The following ALMS1 variants were observed in gnomAD, a reference collection of about 807,000 sequenced individuals.
The protein encoded by ALMS1 is ALMS1 centrosome and basal body associated protein.
ALMS1 carries 271 observed loss-of-function variants against 352.2 expected under a neutral mutation model. That is an observed-to-expected ratio of 0.77 (90% confidence interval 0.70 to 0.85). ALMS1 has a LOEUF of 0.85. Ranked by LOEUF, ALMS1 falls within the 40% of genes least tolerant of loss-of-function variation. ALMS1 has a pLI of 0.00. For missense variants in ALMS1, 5,445 were observed against 4,870.7 expected (o/e 1.12, Z -3.51); for synonymous variants, 1,865 against 1,761.2 (o/e 1.06, Z -1.48).
chr2:73,518,901 T>G (rs1200936709), intron 10 of ALMS1, among the ~76,000 whole-genome samples: 2 of 152,234 alleles, frequency 1.3e-5, no homozygotes, highest in East Asian at 3.8e-4. Context: ...AATTTTTCTT[T>G]TGCTGTGCAG....
At chr2:73,465,410 G>A (rs1672312670) in intron 9 of ALMS1, among the ~76,000 whole-genome samples, 1 of 152,090 alleles carries the variant, frequency 6.6e-6, no homozygotes, top group Admixed American at 6.5e-5. Context: ...TTTAATAAAT[G>A]GTGCTGGGAA....
At position 73,452,354 on chromosome 2, in the gene ALMS1, C is replaced by T. The variant is rs370398704; in HGVS notation, c.5827C>T (p.Arg1943Cys). The T allele has an allele frequency of 7.0e-5, 113 of 1,614,004 alleles. No homozygotes were observed. Among genetic ancestry groups the T allele is most frequent in the Admixed American group, 4.8e-4 (29 of 60,002 alleles). ...IPTVPLSYYS[R>C]REKPSVISQQ... ...AACAGTACCTTTAAGTTACTACTCA[C>T]GTAGAGAGAAGCCCAGTGTTATCTC... Residue 1943 changes from arginine (R) to cysteine (C), a missense_variant, in exon 8 of 23, where the codon CGT becomes TGT. By Grantham distance (180) the Arg-to-Cys change is radical. Coordinates refer to ENST00000613296, the MANE Select transcript of ALMS1 (RefSeq NM_001378454.1).
chr2:73,420,895 G>T (rs1182118411), intron 3 of ALMS1, among the ~76,000 whole-genome samples: 1 of 152,150 alleles, frequency 6.6e-6, no homozygotes. Context: ...ATGATGGCTG[G>T]TGCCAGAATG....
chr2:73,528,043 A>G (rs1041610537), intron 11 of ALMS1, among the ~76,000 whole-genome samples: 28 of 152,070 alleles, frequency 1.8e-4, no homozygotes, highest in African/African-American at 6.3e-4. Flanking sequence ...ATTTCCATGC[A>G]TTTGTATAGT....
intron 7 of ALMS1, among the ~76,000 whole-genome samples, chr2:73,440,538 C>G (rs1671698276): frequency 6.6e-6 from 1 of 152,078 alleles, no homozygotes; most frequent in Admixed American, 6.6e-5. Context: ...ATTCTCGTGT[C>G]TCAGCCTCCT....
intron 11 of ALMS1, among the ~76,000 whole-genome samples, chr2:73,532,515 C>G (rs2103987600): frequency 6.6e-6 from 1 of 152,304 alleles, no homozygotes. Flanking sequence ...ACCACTGCCC[C>G]AGGCTTGTGG....
Position 73,424,787 on chromosome 2 carries a change from C to T in ALMS1, c.1122C>T (p.Asp374=). Residue 374 remains aspartate (D), a synonymous_variant, in exon 5 of 23, where the codon GAC becomes GAT. Coordinates refer to ENST00000613296, the MANE Select transcript of ALMS1 (RefSeq NM_001378454.1). ...KDQVSVATSF[D]ITDENIATKR... Reference sequence around the variant, plus strand: ...AAGTTTCAGTTGCAACTTCATTTGACATAACTGATGAAAACATAGCTACTA... The same window carrying T: ...AAGTTTCAGTTGCAACTTCATTTGATATAACTGATGAAAACATAGCTACTA... 1.9e-6 allele frequency: 3 copies of T among 1,613,302 alleles called. No individual in the cohort carries two copies. The highest frequency in any genetic ancestry group is 2.5e-6 in the Non-Finnish European group (3 of 1,179,454).
Position 73,467,950 on chromosome 2 carries a change from G to A in ALMS1, c.7674+12655G>A, listed in dbSNP as rs181388725. ...TCAGGTGTGTGGTATTGACTGGGAA[G>A]ACGCACAAGAGGTCTTCTCAGGTAT... On this transcript the variant is annotated intron_variant, in intron 9 of 22. Coordinates refer to ENST00000613296, the MANE Select transcript of ALMS1 (RefSeq NM_001378454.1). Among the ~76,000 whole-genome samples the A allele has an allele frequency of 3.9e-5, 6 of 152,168 alleles. No individual in the cohort carries two copies. In the East Asian group the frequency reaches 1.2e-3, roughly 29 times the overall value.
intron 10 of ALMS1, among the ~76,000 whole-genome samples, chr2:73,517,689 C>CTCTG (rs1673589286): frequency 6.6e-6 from 1 of 151,164 alleles, no homozygotes; most frequent in African/African-American, 2.4e-5. Context: ...CAGAGTTTTG[C>CTCTG]TCTTGTTGCC....
intron 7 of ALMS1, among the ~76,000 whole-genome samples, chr2:73,446,475 A>C (rs549196303): frequency 2.6e-5 from 4 of 152,206 alleles, no homozygotes; most frequent in Admixed American, 2.6e-4. Flanking sequence ...AAATTTTGTA[A>C]CTCATATTCC....
rs754374314 is a variant in ALMS1 at position 73,419,153 on chromosome 2, G to T, written c.481G>T (p.Glu161Ter). Residue 161 changes from glutamate to a stop codon, truncating the protein, a stop_gained, in exon 3 of 23, where the codon GAA becomes TAA. Transcript: ENST00000613296. LOFTEE classifies it high-confidence loss of function. Reference protein sequence around the residue: ...KTESWHCLPQEMDSSQTLDTS... With the variant: ...KTESWHCLPQ Reference sequence around the variant, plus strand: ...AGAATCTTGGCATTGTCTTCCTCAAGAAATGGACTCTTCCCAAACCTTGGA... The same window carrying T: ...AGAATCTTGGCATTGTCTTCCTCAATAAATGGACTCTTCCCAAACCTTGGA... The T allele has an allele frequency of 6.2e-7, 1 of 1,613,898 alleles. No individual in the cohort carries two copies. The highest frequency in any genetic ancestry group is 8.5e-7 in the Non-Finnish European group (1 of 1,179,946).
chr2:73,448,989 A>G lies in ALMS1; in HGVS notation c.2462A>G (p.Tyr821Cys). 1.2e-6 allele frequency: 2 copies of G among 1,613,444 alleles called. No individual in the cohort carries two copies. Among genetic ancestry groups the G allele is most frequent in the Non-Finnish European group, 1.7e-6 (2 of 1,179,792 alleles). ...YSHREKLLVF[Y>C]QQALLDSHLP... ...CACAGAGAGAAGCTCCTTGTTTTCTACCAACAGGCCTTGCTGGACAGCCAT... is the reference window on the plus strand; with the variant it reads ...CACAGAGAGAAGCTCCTTGTTTTCTGCCAACAGGCCTTGCTGGACAGCCAT... Residue 821 changes from tyrosine to cysteine, a missense_variant, in exon 8 of 23, where the codon TAC becomes TGC. Coordinates refer to ENST00000613296, the MANE Select transcript of ALMS1 (RefSeq NM_001378454.1).
rs1028288515 is a variant in ALMS1 at position 73,424,816 on chromosome 2, G to T, written c.1151G>T (p.Arg384Ile). Reference protein sequence around the residue: ...DITDENIATKRSDHFDAARSY... With the variant: ...DITDENIATKISDHFDAARSY... ...ACTGATGAAAACATAGCTACTAAAA[G>T]AAGTGACCATTTTGATGCTGCTCGT... is the stretch of plus-strand genomic sequence containing the variant. The change falls in exon 5 of 23, where the codon AGA becomes ATA. Residue 384 changes from arginine to isoleucine, a missense_variant. Arg to Ile is a moderately conservative substitution (Grantham distance 97). Transcript: ENST00000613296. 1.9e-6 allele frequency: 3 copies of T among 1,609,998 alleles called. No homozygotes were observed. The highest frequency in any genetic ancestry group is 2.2e-5 in the South Asian group (2 of 90,736).
At chr2:73,408,419 G>T (rs753733956) in intron 1 of ALMS1, among the ~76,000 whole-genome samples, 1 of 152,204 alleles carries the variant, frequency 6.6e-6, no homozygotes, top group Non-Finnish European at 1.5e-5. Context: ...TTAAGGAACT[G>T]CTGTGGTTTA....
At chr2:73,468,736 A>G (rs1385840469) in intron 9 of ALMS1, among the ~76,000 whole-genome samples, 1 of 152,034 alleles carries the variant, frequency 6.6e-6, no homozygotes, top group Non-Finnish European at 1.5e-5. Flanking sequence ...AGTCTGTTGT[A>G]GACAGTATAT....
intron 15 of ALMS1, among the ~76,000 whole-genome samples, chr2:73,570,848 C>T (rs771116906): frequency 2.0e-5 from 3 of 152,152 alleles, no homozygotes; most frequent in East Asian, 1.9e-4. Flanking sequence ...AAAGTGATCC[C>T]TCAGCCCAGA....
rs1672975235 is a variant in ALMS1 at position 73,491,096 on chromosome 2, G to A, written c.9137G>A (p.Cys3046Tyr). Residue 3046 changes from cysteine to tyrosine, a missense_variant, in exon 10 of 23, where the codon TGT becomes TAT. Cys to Tyr is a radical substitution (Grantham distance 194). Coordinates refer to ENST00000613296, the MANE Select transcript of ALMS1 (RefSeq NM_001378454.1). Reference protein sequence around the residue: ...TPPSNRKALSCVHITLCPKTS... With the variant: ...TPPSNRKALSYVHITLCPKTS... ...CCTTCAAATAGAAAAGCACTTTCTT[G>A]TGTTCATATAACTCTTTGTCCCAAG... 3 of 1,614,190 alleles carry A rather than the reference G, an allele frequency of 1.9e-6. No homozygotes were observed. The highest frequency in any genetic ancestry group is 1.1e-5 in the South Asian group (1 of 91,078).
chr2:73,564,878 A>G (rs1193632529), intron 15 of ALMS1, among the ~76,000 whole-genome samples: 1 of 152,200 alleles, frequency 6.6e-6, no homozygotes, highest in Non-Finnish European at 1.5e-5. Context: ...TATCCTCAGA[A>G]TTTATAACCA....
chr2:73,448,410 C>T lies in ALMS1; in HGVS notation c.1883C>T (p.Pro628Leu). 6.2e-7 allele frequency: 1 copy of T among 1,614,008 alleles called. No individual in the cohort carries two copies. The highest frequency in any genetic ancestry group is 2.2e-5 in the East Asian group (1 of 44,878). ...ACTTCCTACTCACATAGAGAGAAGC[C>T]TGGTACTTTTTACCAACAAGAGTTA... is the stretch of plus-strand genomic sequence containing the variant. ...TSTSYSHREK[P>L]GTFYQQELPE... Residue 628 changes from proline to leucine, a missense_variant, in exon 8 of 23, where the codon CCT (proline) becomes CTT (leucine). By Grantham distance (98) the Pro-to-Leu change is moderately conservative (BLOSUM62 -3). Coordinates refer to ENST00000613296, the MANE Select transcript of ALMS1 (RefSeq NM_001378454.1).
Sources: gnomAD v4.1 joint callset for allele counts (sites outside exome capture counted in the v4.1 genomes callset) on GRCh38, gnomAD v4.1.1 for gene constraint, MANE v1.5 for transcripts, NCBI Gene and HGNC (gene_info 2026-07-23, HGNC 2026-07-21) for gene names.